TNRC6A: variants seen among roughly 807,000 people sequenced by gnomAD.
TNRC6A encodes trinucleotide repeat containing adaptor 6A, also known as trinucleotide repeat-containing gene 6A protein.
A neutral mutation model predicts 221.2 loss-of-function variants in TNRC6A; 44 were observed. That is an observed-to-expected ratio of 0.20 (90% CI 0.16 to 0.26). The LOEUF (loss-of-function observed/expected upper bound fraction) is 0.26, where lower values mean the gene tolerates loss of function less well. TNRC6A is among the 10% of genes least tolerant of loss of function. The pLI is 1.00. For missense variants in TNRC6A, 2,199 were observed against 2,404.4 expected, an observed-to-expected ratio of 0.91 and a Z score of 1.79; for synonymous variants, 847 against 838.5, an observed-to-expected ratio of 1.01 and a Z score of -0.18.
intron 18 of TNRC6A, among the ~76,000 whole-genome samples, chr16:24,811,362 G>A (rs939255774): frequency 1.3e-5 from 2 of 152,172 alleles, no homozygotes; most frequent in African/African-American, 4.8e-5. Flanking sequence ...GTGACTTCCA[G>A]GCAGTTTATA....
At chr16:24,688,943 T>G (rs1255154207) in intron 2 of TNRC6A, among the ~76,000 whole-genome samples, 1 of 152,168 alleles carries the variant, frequency 6.6e-6, no homozygotes, top group African/African-American at 2.4e-5. Flanking sequence ...GGCTCATGCC[T>G]GTAACCCAGC....
chr16:24,706,621 G>T (rs1257916333), intron 2 of TNRC6A, among the ~76,000 whole-genome samples: 1 of 148,602 alleles, frequency 6.7e-6, no homozygotes, highest in African/African-American at 2.5e-5. Flanking sequence ...GAACCCAGGA[G>T]ACGGAGCTTG....
At chr16:24,730,668 G>A (rs925455387) in intron 2 of TNRC6A, among the ~76,000 whole-genome samples, 1 of 149,988 alleles carries the variant, frequency 6.7e-6, no homozygotes, top group Non-Finnish European at 1.5e-5. Flanking sequence ...AACTGTTTTG[G>A]CTTCCCCGTT....
intron 2 of TNRC6A, among the ~76,000 whole-genome samples, chr16:24,650,514 C>T (rs1255515024): frequency 6.6e-6 from 1 of 151,942 alleles, no homozygotes; most frequent in East Asian, 1.9e-4. Flanking sequence ...AAAATACAAA[C>T]ATTAGCCTGG....
At chr16:24,626,840 AG>A (rs756059999) in intron 1 of TNRC6A, among the ~76,000 whole-genome samples, 19 of 151,010 alleles carry the variant, frequency 1.3e-4, no homozygotes, top group African/African-American at 2.9e-4. Context: ...TTTAGTAGAG[AG>A]GGGGGTTTCA....
intron 2 of TNRC6A, chr16:24,663,161 C>A (rs367836739): frequency 6.5e-5 from 10 of 153,712 alleles, no homozygotes; most frequent in Non-Finnish European, 1.2e-4. Flanking sequence ...CCCCAAGACA[C>A]GCTCAGGTAT....
chr16:24,758,179 T>G (rs933138131), intron 3 of TNRC6A, among the ~76,000 whole-genome samples, 160 bp from the exon 4 acceptor site: 2 of 152,240 alleles, frequency 1.3e-5, no homozygotes, highest in African/African-American at 4.8e-5. Flanking sequence ...AAGCATGCTT[T>G]CCTTGCATAT....
chr16:24,713,637 T>C (rs570640120), intron 2 of TNRC6A, among the ~76,000 whole-genome samples: 8 of 151,772 alleles, frequency 5.3e-5, no homozygotes, highest in African/African-American at 1.7e-4. Flanking sequence ...GTTTTTATTT[T>C]AGTTTAGTTT....
chr16:24,629,941 C>T (rs896162756), intron 1 of TNRC6A, among the ~76,000 whole-genome samples: 9 of 151,662 alleles, frequency 5.9e-5, no homozygotes, highest in African/African-American at 2.2e-4. Context: ...CCACTGCACT[C>T]CAGCCTGGGT....
At chr16:24,821,993 A>C in intron 22 of TNRC6A, 84 bp from the exon 23 acceptor site, 1 of 1,318,106 alleles carries the variant, frequency 7.6e-7, no homozygotes. Context: ...GAAGGAAGTC[A>C]AGAGGCCAGG....
At chr16:24,640,178 T>A (rs748852044) in intron 1 of TNRC6A, among the ~76,000 whole-genome samples, 36 of 151,806 alleles carry the variant, frequency 2.4e-4, no homozygotes, top group Non-Finnish European at 4.4e-4. Flanking sequence ...GGCAGGTGGA[T>A]CCCTAGAGCT....
At chr16:24,620,346 A>T (rs1405560094) in intron 1 of TNRC6A, among the ~76,000 whole-genome samples, 3 of 152,158 alleles carry the variant, frequency 2.0e-5, no homozygotes, top group Non-Finnish European at 4.4e-5. Context: ...CTACCTGACC[A>T]CATGGGAAGG....
chr16:24,805,548 G>T (rs756704593), intron 14 of TNRC6A, 57 bp from the exon 15 acceptor site: 4 of 1,600,796 alleles, frequency 2.5e-6, no homozygotes, highest in Non-Finnish European at 3.4e-6. Context: ...CACACAGTAC[G>T]TGTAGTTAGT....
chr16:24,618,694 C>T (rs1409611498), intron 1 of TNRC6A, among the ~76,000 whole-genome samples: 3 of 140,636 alleles, frequency 2.1e-5, no homozygotes, highest in Non-Finnish European at 4.5e-5. Flanking sequence ...TCTGGCATCC[C>T]GGCTGGAGTA....
chr16:24,670,955 C>A (rs189621201), intron 2 of TNRC6A: 2 of 406,014 alleles, frequency 4.9e-6, no homozygotes, highest in African/African-American at 2.1e-5. Flanking sequence ...ACCAGCACCC[C>A]CAGGCCATCG....
At chr16:24,676,172 A>G (rs150820711) in intron 2 of TNRC6A, among the ~76,000 whole-genome samples, 227 of 152,138 alleles carry the variant, frequency 1.5e-3, no homozygotes, top group Non-Finnish European at 1.1e-3. Context: ...TCACCTCTCA[A>G]TCACTCCTCA....
chr16:24,619,735 C>T (rs930150810), intron 1 of TNRC6A, among the ~76,000 whole-genome samples: 19 of 152,114 alleles, frequency 1.2e-4, no homozygotes, highest in African/African-American at 2.2e-4. Context: ...ACACGGGGAA[C>T]AAGACAGCCA....
At chr16:24,640,602 G>A (rs961946254) in intron 1 of TNRC6A, among the ~76,000 whole-genome samples, 8 of 151,220 alleles carry the variant, frequency 5.3e-5, no homozygotes, top group East Asian at 3.9e-4. Flanking sequence ...GGTGGTGCAC[G>A]CCTTTGGTCC....
chr16:24,803,877 G>C (rs1391651810), intron 11 of TNRC6A: 1 of 250,502 alleles, frequency 4.0e-6, no homozygotes, highest in Non-Finnish European at 7.6e-6. Context: ...CTCCAGCCTG[G>C]GCCACAAAGC....
Sources: allele counts gnomAD v4.1 joint callset (sites outside exome capture counted in the v4.1 genomes callset), GRCh38; gene constraint gnomAD v4.1.1; transcripts MANE v1.5; gene names NCBI Gene and HGNC (gene_info 2026-07-23, HGNC 2026-07-21).